Variants in CRAMP1 observed in about 807,000 individuals in gnomAD.
CRAMP1 encodes the protein protein cramped-like.
In CRAMP1, 50 loss-of-function variants were observed where a neutral mutation model predicts 115.4. That is an observed-to-expected ratio of 0.43 (90% CI 0.35 to 0.55). CRAMP1 has a LOEUF of 0.55. CRAMP1 is among the 20% of genes least tolerant of loss of function. The probability of loss-of-function intolerance (pLI) is 0.01; values close to 1 mark genes in which losing one functional copy is unlikely to be tolerated. For synonymous variants in CRAMP1, 866 were observed against 745.4 expected, an observed-to-expected ratio of 1.16 and a Z score of -2.64; for missense variants, 1,679 against 1,721.7, an observed-to-expected ratio of 0.98 and a Z score of 0.44.
intron 11 of CRAMP1, among the ~76,000 whole-genome samples, chr16:1,661,336 G>A (rs2036827432): frequency 6.6e-6 from 1 of 150,762 alleles, no homozygotes; most frequent in Non-Finnish European, 1.5e-5. Context: ...CTGGCCTCCT[G>A]GGTGACGGAG....
intron 3 of CRAMP1, among the ~76,000 whole-genome samples, chr16:1,627,734 G>A (rs1177602601): frequency 2.0e-5 from 3 of 152,180 alleles, no homozygotes; most frequent in Non-Finnish European, 2.9e-5. Flanking sequence ...AAACACATTC[G>A]TGTGTTCCTT....
intron 11 of CRAMP1, among the ~76,000 whole-genome samples, chr16:1,661,133 T>C (rs1474120671): frequency 6.6e-6 from 1 of 152,004 alleles, no homozygotes; most frequent in South Asian, 2.1e-4. Flanking sequence ...CTGGGCAACA[T>C]AGCAAGACCC....
At chr16:1,655,579 C>G (rs1006291985) in intron 9 of CRAMP1, among the ~76,000 whole-genome samples, 2 of 152,200 alleles carry the variant, frequency 1.3e-5, no homozygotes, top group Non-Finnish European at 1.5e-5. Context: ...GCATTCCTAC[C>G]AGCAGGTTGA....
intron 4 of CRAMP1, among the ~76,000 whole-genome samples, chr16:1,633,991 G>A (rs1440110472): frequency 4.6e-5 from 7 of 151,496 alleles, no homozygotes; most frequent in Admixed American, 1.3e-4. Context: ...TTGCACCACT[G>A]CACTCCAGCT....
intron 6 of CRAMP1, among the ~76,000 whole-genome samples, chr16:1,644,058 C>T (rs150121719): frequency 1.1e-3 from 161 of 152,260 alleles, no homozygotes; most frequent in Middle Eastern, 6.8e-3. Context: ...CAGGTGTGGG[C>T]GCTGATGGGG....
At chr16:1,617,611 G>C (rs1293207319) in intron 2 of CRAMP1, among the ~76,000 whole-genome samples, 2 of 152,210 alleles carry the variant, frequency 1.3e-5, no homozygotes, top group African/African-American at 4.8e-5. Context: ...ATCACTGGCA[G>C]TTCCTTTGGT....
chr16:1,645,734 G>A (rs1394110891), intron 6 of CRAMP1, among the ~76,000 whole-genome samples: 1 of 152,098 alleles, frequency 6.6e-6, no homozygotes, highest in Non-Finnish European at 1.5e-5. Context: ...CTTCACCCCA[G>A]CAGCCTCTAG....
intron 6 of CRAMP1, among the ~76,000 whole-genome samples, chr16:1,642,255 C>G (rs1198459968): frequency 6.6e-6 from 1 of 152,222 alleles, no homozygotes; most frequent in African/African-American, 2.4e-5. Context: ...CCTTCTCCCC[C>G]AGGCTTGTGT....
In CRAMP1 at chr16:1,665,167, C is replaced by T. The variant is rs370419383; in HGVS notation, c.2752+29C>T. On this transcript the variant is annotated intron_variant, in intron 14 of 20. Coordinates refer to ENST00000397412, the MANE Select transcript of CRAMP1 (RefSeq NM_020825.4). ...AGGACCCTGAGCTTTTCTGGGGTAG[C>T]TTGTCCCTCCTCCTCACAGGAGGGC... 11 of 1,427,412 alleles carry T rather than the reference C, an allele frequency of 7.7e-6. No individual in the cohort carries two copies. The African/African-American group carries it at 1.1e-4, about 15-fold the overall frequency. The allele number at this position is 1,427,412 out of a possible 1,614,324, so 88.4% of individuals were successfully genotyped here. A position where few individuals can be genotyped will look rare whatever the true frequency, so the allele number is the denominator to read the frequency against.
chr16:1,666,524 A>G lies in CRAMP1; in HGVS notation c.2960A>G (p.Asp987Gly). Reference sequence around the variant, plus strand: ...TCTGGCATCTCTCCACTGTCTTCAGACGAGGTGACGGGTGCCATCTCGGGG... The same window carrying G: ...TCTGGCATCTCTCCACTGTCTTCAGGCGAGGTGACGGGTGCCATCTCGGGG... ...GLSGISPLSS[D>G]EVTGAISGQD... Residue 987 changes from aspartate (D) to glycine (G), a missense_variant, in exon 16 of 21, where the codon GAC becomes GGC. Asp to Gly is a moderately conservative substitution (Grantham distance 94). Coordinates refer to ENST00000397412, the MANE Select transcript of CRAMP1 (RefSeq NM_020825.4). The surrounding 1 kb of genome is among the most constrained non-coding windows in gnomAD (Gnocchi z 5.0). The G allele has an allele frequency of 1.2e-6, 2 of 1,613,814 alleles. No individual in the cohort carries two copies. Among genetic ancestry groups the G allele is most frequent in the Non-Finnish European group, 1.7e-6 (2 of 1,179,828 alleles).
intron 6 of CRAMP1, among the ~76,000 whole-genome samples, chr16:1,645,785 C>T (rs557570114): frequency 3.3e-5 from 5 of 152,308 alleles, no homozygotes; most frequent in South Asian, 4.1e-4. Flanking sequence ...GGAGTGTCGT[C>T]GTCACATTGG....
At position 1,666,372 on chromosome 16, in the gene CRAMP1, T is replaced by TA; in HGVS notation, c.2858-50_2858-49insA. ...GTTCCCCGAGCCCTCTTGGGACATC[T>TA]TATGGGTTGTCAGTAGAGCAGAGAT... On this transcript the variant is annotated intron_variant, in intron 15 of 20. Coordinates refer to ENST00000397412, the MANE Select transcript of CRAMP1 (RefSeq NM_020825.4). This position sits in a 1 kb window ranked among gnomAD's most constrained non-coding sequence, Gnocchi z 5.0. 6.4e-7 allele frequency: 1 copy of TA among 1,561,094 alleles called. No homozygotes were observed. Among genetic ancestry groups the TA allele is most frequent in the Non-Finnish European group, 8.7e-7 (1 of 1,145,976 alleles).
chr16:1,639,348 C>CGGACA (rs2142184225), intron 5 of CRAMP1, among the ~76,000 whole-genome samples: 1 of 151,604 alleles, frequency 6.6e-6, no homozygotes, highest in South Asian at 2.1e-4. Flanking sequence ...GGAGTGGGCC[C>CGGACA]GGACGTAGGG....
At position 1,632,385 on chromosome 16, in the gene CRAMP1, G is replaced by C. The variant is rs1348127498; in HGVS notation, c.694+20G>C. ...ATCATGGTGAGTGTGCCACGGGCCAGGCTCGGGGGTGCCCACAGGCAGGGC... is the reference window on the plus strand; with the variant it reads ...ATCATGGTGAGTGTGCCACGGGCCACGCTCGGGGGTGCCCACAGGCAGGGC... On this transcript the variant is annotated intron_variant, in intron 4 of 20. Coordinates refer to ENST00000397412, the MANE Select transcript of CRAMP1 (RefSeq NM_020825.4). The C allele has an allele frequency of 6.4e-7, 1 of 1,570,038 alleles. No homozygotes were observed.
chr16:1,647,077 T>C, intron 6 of CRAMP1: 3 of 702,976 alleles, frequency 4.3e-6, no homozygotes, highest in Non-Finnish European at 7.8e-6. Flanking sequence ...GGAAAATGAC[T>C]GAGGTGCCTG....
At position 1,662,516 on chromosome 16, in the gene CRAMP1, T is replaced by C. The variant is rs942179430; in HGVS notation, c.2440T>C (p.Leu814=). Residue 814 remains leucine (L), a synonymous_variant, in exon 12 of 21, where the codon TTG becomes CTG. Coordinates refer to ENST00000397412, the MANE Select transcript of CRAMP1 (RefSeq NM_020825.4). ...TTTGAGAAACCCTCCAAGACCCCTC[T>C]TGGTGCCTGGTCCCTCCAGCACAGG... The part of the protein sequence containing the change: ...SGLRNPPRPL[L]VPGPSSTGSN... The C allele has an allele frequency of 2.5e-6, 4 of 1,613,948 alleles. No individual in the cohort carries two copies. The highest frequency in any genetic ancestry group is 2.5e-6 in the Non-Finnish European group (3 of 1,179,860).
rs538803795 is a variant in CRAMP1, at chr16:1,663,285, C to G, written c.2670+450C>G. ...CACCTCAGAAGAAGAGCTTGGCATT[C>G]TGACGCATAAAAATACAGAAAGTGA... On this transcript the variant is annotated intron_variant, in intron 13 of 20. Transcript: ENST00000397412. 3.3e-5 allele frequency among the ~76,000 whole-genome samples: 5 copies of G among 152,334 alleles called. No individual in the cohort carries two copies. The South Asian group carries it at 8.3e-4, about 25-fold the overall frequency.
Position 1,655,220 on chromosome 16 carries a change from A to T in CRAMP1, c.1039A>T (p.Met347Leu), listed in dbSNP as rs1372513822. ...TCCTCCTGTCTGTCGTCTCCGTAGGATGATCGTGGAGCTACATCGAAAGGT... is the reference window on the plus strand; with the variant it reads ...TCCTCCTGTCTGTCGTCTCCGTAGGTTGATCGTGGAGCTACATCGAAAGGT... ...QSLAQNPRLR[M>L]IVELHRKVSS... Residue 347 changes from methionine to leucine, a missense_variant and splice_region_variant, in exon 9 of 21, where the codon ATG (methionine) becomes TTG (leucine). Transcript: ENST00000397412. 2 of 1,613,434 alleles carry T rather than the reference A, an allele frequency of 1.2e-6. No homozygotes were observed. Among genetic ancestry groups the T allele is most frequent in the African/African-American group, 2.7e-5 (2 of 74,902 alleles).
chr16:1,654,341 A>C (rs1171340670), intron 8 of CRAMP1, among the ~76,000 whole-genome samples: 1 of 151,436 alleles, frequency 6.6e-6, no homozygotes, highest in African/African-American at 2.4e-5. Flanking sequence ...CCTCCCGAGC[A>C]GCTGGGATTA....
Sources: allele counts gnomAD v4.1 joint callset (sites outside exome capture counted in the v4.1 genomes callset), GRCh38; gene constraint gnomAD v4.1.1; non-coding constraint Gnocchi (gnomAD v3.1); transcripts MANE v1.5; gene names NCBI Gene and HGNC (gene_info 2026-07-23, HGNC 2026-07-21).